STXBP6: variants seen among roughly 807,000 people sequenced by gnomAD.
The protein encoded by STXBP6 is syntaxin-binding protein 6.
A neutral mutation model predicts 26.9 loss-of-function variants in STXBP6; 21 were observed. That is an observed-to-expected ratio of 0.78 (90% confidence interval 0.55 to 1.12). The LOEUF (loss-of-function observed/expected upper bound fraction) is 1.12, where lower values mean the gene tolerates loss of function less well. STXBP6 is among the 50% of genes most tolerant of loss of function. The pLI, the probability that STXBP6 is intolerant of heterozygous loss-of-function variation, is 0.00. For synonymous variants in STXBP6, 97 were observed against 92.6 expected, an observed-to-expected ratio of 1.05 and a Z score of -0.27; for missense variants, 232 against 257.9, an observed-to-expected ratio of 0.90 and a Z score of 0.69.
intron 2 of STXBP6, among the ~76,000 whole-genome samples, chr14:24,930,230 T>C (rs1378955052): frequency 2.0e-5 from 3 of 152,240 alleles, no homozygotes; most frequent in Non-Finnish European, 4.4e-5. Context: ...GCCTGCACTT[T>C]CCATGTCTGC....
intron 4 of STXBP6, among the ~76,000 whole-genome samples, chr14:24,829,953 A>G (rs1039689820): frequency 6.6e-6 from 1 of 152,200 alleles, no homozygotes; most frequent in Non-Finnish European, 1.5e-5. Flanking sequence ...CTGTGCTGTG[A>G]TAGTATATTC....
intron 2 of STXBP6, among the ~76,000 whole-genome samples, chr14:24,961,541 A>G (rs2073540968): frequency 6.6e-6 from 1 of 152,174 alleles, no homozygotes; most frequent in Non-Finnish European, 1.5e-5. Context: ...AGTAACTCAG[A>G]AACAGAACAT....
At chr14:24,868,931 A>G (rs896557957) in intron 2 of STXBP6, among the ~76,000 whole-genome samples, 1 of 152,234 alleles carries the variant, frequency 6.6e-6, no homozygotes, top group African/African-American at 2.4e-5. Context: ...GCCACTGCTT[A>G]TTGAACATCA....
intron 2 of STXBP6, among the ~76,000 whole-genome samples, chr14:24,951,441 T>C (rs1260984388): frequency 1.3e-5 from 2 of 152,136 alleles, no homozygotes; most frequent in Admixed American, 6.6e-5. Context: ...TGGCATCTCA[T>C]TGTGGTTTTG....
rs376091835 is a variant in STXBP6 at position 25,020,819 on chromosome 14, A to G, written c.-33+29059T>C. On this transcript the variant is annotated intron_variant, in intron 1 of 5. Coordinates refer to ENST00000323944, the MANE Select transcript of STXBP6 (RefSeq NM_001394410.1). ...CATAGCACTGCTGCAAAATGCCCTA[A>G]CTTGCCTTGCTCAACCTCCCTTTGT... is the stretch of plus-strand genomic sequence containing the variant. 2.8e-4 allele frequency among the ~76,000 whole-genome samples: 43 copies of G among 152,226 alleles called. No individual in the cohort carries two copies. In the East Asian group the frequency reaches 6.8e-3, roughly 24 times the overall value.
At chr14:24,959,415 C>T (rs1267280251) in intron 2 of STXBP6, among the ~76,000 whole-genome samples, 1 of 152,132 alleles carries the variant, frequency 6.6e-6, no homozygotes, top group Non-Finnish European at 1.5e-5. Context: ...GGGGAGAACA[C>T]AGAGCAATCT....
chr14:24,985,451 T>C (rs940668475), intron 1 of STXBP6, among the ~76,000 whole-genome samples: 1 of 152,158 alleles, frequency 6.6e-6, no homozygotes, highest in East Asian at 1.9e-4. Flanking sequence ...TTTTCAAAGG[T>C]TTCTGCTGGT....
chr14:24,938,998 A>G (rs1000035093), intron 2 of STXBP6, among the ~76,000 whole-genome samples: 2 of 152,326 alleles, frequency 1.3e-5, no homozygotes, highest in African/African-American at 4.8e-5. Context: ...CTGAAAAATA[A>G]TAATAATAAT....
intron 4 of STXBP6, among the ~76,000 whole-genome samples, chr14:24,825,238 A>G (rs892562732): frequency 6.6e-6 from 1 of 152,188 alleles, no homozygotes. Context: ...AAATGCTACA[A>G]TAGACTACAC....
At chr14:25,039,500 G>A (rs187413766) in intron 1 of STXBP6, among the ~76,000 whole-genome samples, 198 of 152,202 alleles carry the variant, frequency 1.3e-3, no homozygotes, top group Non-Finnish European at 1.1e-3. Flanking sequence ...ATATCTCTCT[G>A]GATATCTTAT....
At chr14:24,957,778 A>G (rs1472471543) in intron 2 of STXBP6, among the ~76,000 whole-genome samples, 1 of 152,230 alleles carries the variant, frequency 6.6e-6, no homozygotes, top group African/African-American at 2.4e-5. Context: ...TCTAGGTTAC[A>G]CAGATTATAC....
intron 1 of STXBP6, among the ~76,000 whole-genome samples, chr14:24,984,407 T>A (rs906780734): frequency 5.3e-5 from 8 of 152,206 alleles, no homozygotes; most frequent in African/African-American, 1.9e-4. Context: ...TTCACAGCAG[T>A]GAGAGGCACA....
chr14:24,865,608 T>C (rs111504634), intron 2 of STXBP6, among the ~76,000 whole-genome samples: 1 of 152,170 alleles, frequency 6.6e-6, no homozygotes, highest in Non-Finnish European at 1.5e-5. Context: ...CAGTACTCCA[T>C]GCTCACACAG....
intron 4 of STXBP6, among the ~76,000 whole-genome samples, chr14:24,848,572 T>C (rs1377167152): frequency 6.6e-6 from 1 of 152,118 alleles, no homozygotes; most frequent in Non-Finnish European, 1.5e-5. Flanking sequence ...GATGAAGAGA[T>C]ATGACTCAAA....
chr14:24,943,809 G>A (rs1010400712), intron 2 of STXBP6, among the ~76,000 whole-genome samples: 8 of 152,080 alleles, frequency 5.3e-5, no homozygotes, highest in South Asian at 2.1e-4. Context: ...AATTTTGAAC[G>A]GTAGGAGCTC....
chr14:24,825,986 G>T (rs1457125568), intron 4 of STXBP6, among the ~76,000 whole-genome samples: 1 of 152,012 alleles, frequency 6.6e-6, no homozygotes, highest in Non-Finnish European at 1.5e-5. Flanking sequence ...TTGTTTTGAG[G>T]TTAAAAACCT....
rs953786305 is a variant in STXBP6, at chr14:24,974,790, T to C, written c.29A>G (p.Glu10Gly). 2 of 1,609,166 alleles carry C rather than the reference T, an allele frequency of 1.2e-6. No individual in the cohort carries two copies. Among genetic ancestry groups the C allele is most frequent in the Non-Finnish European group, 1.7e-6 (2 of 1,177,446 alleles). ...CCTTTCATCAAGAGGTGCAAAAATT[T>C]CCTTGCTGATAGCAGATTTGGCACT... MSAKSAISK[E>G]IFAPLDERML... is the part of the protein sequence containing the mutation. The change falls in exon 2 of 6, where the codon GAA (glutamate) becomes GGA (glycine). Residue 10 changes from glutamate to glycine, a missense_variant. Coordinates refer to ENST00000323944, the MANE Select transcript of STXBP6 (RefSeq NM_001394410.1).
chr14:25,003,817 T>A (rs1180073668), intron 1 of STXBP6, among the ~76,000 whole-genome samples: 3 of 152,194 alleles, frequency 2.0e-5, no homozygotes, highest in African/African-American at 7.2e-5. Context: ...AAACATCACA[T>A]GAATTGACAG....
At chr14:25,015,782 T>C (rs931728663) in intron 1 of STXBP6, among the ~76,000 whole-genome samples, 2 of 149,108 alleles carry the variant, frequency 1.3e-5, no homozygotes, top group Non-Finnish European at 3.0e-5. Context: ...TGTTATTAAA[T>C]TAACAAACAA....
Sources: allele counts gnomAD v4.1 joint callset (sites outside exome capture counted in the v4.1 genomes callset), GRCh38; gene constraint gnomAD v4.1.1; transcripts MANE v1.5; gene names NCBI Gene and HGNC (gene_info 2026-07-23, HGNC 2026-07-21).